PRDM16: variants seen among roughly 807,000 people sequenced by gnomAD.
PRDM16 encodes the protein histone-lysine N-methyltransferase PRDM16.
Under a neutral mutation model 110.6 loss-of-function variants are expected in PRDM16, and 23 were observed. That is an observed-to-expected ratio of 0.21 (90% CI 0.15 to 0.29). The LOEUF (loss-of-function observed/expected upper bound fraction) is 0.29. PRDM16 is among the 10% of genes least tolerant of loss of function. The pLI is 1.00. For synonymous variants in PRDM16, 799 were observed against 781.8 expected, an observed-to-expected ratio of 1.02 and a Z score of -0.37; for missense variants, 1,615 against 1,794.3, an observed-to-expected ratio of 0.90 and a Z score of 1.81.
In PRDM16 at chr1:3,402,805, C is replaced by A; in HGVS notation, c.691C>A (p.Arg231Ser). 2 of 1,611,872 alleles carry A rather than the reference C, an allele frequency of 1.2e-6. No homozygotes were observed. The highest frequency in any genetic ancestry group is 1.7e-6 in the Non-Finnish European group (2 of 1,178,966). The change falls in exon 6 of 17, where the codon CGC becomes AGC. Residue 231 changes from arginine (R) to serine (S), a missense_variant. Arg to Ser is a moderately radical substitution (Grantham distance 110). Transcript: ENST00000270722. ...CTCTCTTGCAGAGGAGCCCACGTTC[C>A]GCTGTGACGAGTGTGACGAACTCTT... ...PPGLDEEPTF[R>S]CDECDELFQS...
chr1:3,377,821 C>T (rs967496439), intron 3 of PRDM16, among the ~76,000 whole-genome samples: 13 of 152,196 alleles, frequency 8.5e-5, no homozygotes, highest in African/African-American at 1.2e-4. Flanking sequence ...TCATTGATCA[C>T]GCGCAAACAG....
chr1:3,410,057 T>G (rs1409889809), intron 8 of PRDM16, among the ~76,000 whole-genome samples: 1 of 142,806 alleles, frequency 7.0e-6, no homozygotes, highest in Non-Finnish European at 1.5e-5. Context: ...ACGAATGTGG[T>G]GTGTGGTTGT....
chr1:3,174,577 G>A (rs1049150464), intron 1 of PRDM16, among the ~76,000 whole-genome samples: 1 of 152,264 alleles, frequency 6.6e-6, no homozygotes, highest in Admixed American at 6.5e-5. Context: ...ACTGTGGACT[G>A]TCCCTGCCTC....
At chr1:3,336,559 C>T (rs1400669596) in intron 3 of PRDM16, among the ~76,000 whole-genome samples, 1 of 150,854 alleles carries the variant, frequency 6.6e-6, no homozygotes. Context: ...CATGCATGCA[C>T]ATGTGTGTTG....
chr1:3,365,556 G>A (rs1642794452), intron 3 of PRDM16, among the ~76,000 whole-genome samples: 1 of 152,210 alleles, frequency 6.6e-6, no homozygotes, highest in African/African-American at 2.4e-5. Flanking sequence ...GATCCATGGG[G>A]TTGGTGGTGC....
At chr1:3,331,264 G>A (rs1214650497) in intron 3 of PRDM16, among the ~76,000 whole-genome samples, 2 of 152,046 alleles carry the variant, frequency 1.3e-5, no homozygotes, top group Non-Finnish European at 2.9e-5. Flanking sequence ...AGCCTGGGGG[G>A]GGCGCATACT....
intron 1 of PRDM16, among the ~76,000 whole-genome samples, chr1:3,074,495 T>C (rs1169789884): frequency 1.3e-5 from 2 of 152,080 alleles, no homozygotes; most frequent in African/African-American, 2.4e-5. Context: ...TTGTAGCAGG[T>C]CTGTTCTTAA....
intron 1 of PRDM16, among the ~76,000 whole-genome samples, chr1:3,146,562 C>A (rs1256986320): frequency 7.7e-5 from 7 of 91,048 alleles, no homozygotes. Context: ...GGGGTGTGTA[C>A]ACATGTGTGC....
intron 1 of PRDM16, among the ~76,000 whole-genome samples, chr1:3,102,604 T>C (rs1031070933): frequency 6.6e-6 from 1 of 152,228 alleles, no homozygotes; most frequent in Non-Finnish European, 1.5e-5. Flanking sequence ...TTCTGCACTG[T>C]GCATGGAGTT....
intron 1 of PRDM16, among the ~76,000 whole-genome samples, chr1:3,129,087 T>C (rs1643275742): frequency 6.6e-6 from 1 of 152,012 alleles, no homozygotes; most frequent in Non-Finnish European, 1.5e-5. Context: ...TGTGTGTGCG[T>C]TTCCTGGCTG....
At chr1:3,276,670 A>AGGTGCTGTGAACAGAGCCAGCGAGG (rs1640589913) in intron 3 of PRDM16, among the ~76,000 whole-genome samples, 2 of 143,862 alleles carry the variant, frequency 1.4e-5, no homozygotes, top group Middle Eastern at 3.2e-3. Flanking sequence ...AGCCAGCTCG[A>AGGTGCTGTGAACAGAGCCAGCGAGG]GGTGCCGTGA....
intron 1 of PRDM16, among the ~76,000 whole-genome samples, chr1:3,118,320 C>T (rs1000101491): frequency 2.6e-5 from 4 of 152,218 alleles, no homozygotes; most frequent in African/African-American, 9.6e-5. Flanking sequence ...AAGGAAACAG[C>T]ATGGAGCCCT....
chr1:3,314,926 G>A (rs1641563944), intron 3 of PRDM16, among the ~76,000 whole-genome samples: 1 of 152,148 alleles, frequency 6.6e-6, no homozygotes. Flanking sequence ...TTATGATAAA[G>A]TGATGGTAAC....
intron 3 of PRDM16, among the ~76,000 whole-genome samples, chr1:3,288,565 C>G (rs1434047027): frequency 6.6e-6 from 1 of 152,172 alleles, no homozygotes; most frequent in African/African-American, 2.4e-5. Context: ...AGCCCAGCTC[C>G]AGCCCAAGCG....
At chr1:3,326,946 C>T (rs756414002) in intron 3 of PRDM16, among the ~76,000 whole-genome samples, 3 of 152,218 alleles carry the variant, frequency 2.0e-5, no homozygotes, top group Non-Finnish European at 2.9e-5. Context: ...TTTCAGGCCC[C>T]GCCTGGCTGT....
In PRDM16 at chr1:3,260,318, C is replaced by T. The variant is rs376098267; in HGVS notation, c.438+16181C>T. Reference sequence around the variant, plus strand: ...TGCTAAGCCTCTTCTGAGCTGCTTCCGAGCCCCCATGAGGGTCTGTCCACA... The same window carrying T: ...TGCTAAGCCTCTTCTGAGCTGCTTCTGAGCCCCCATGAGGGTCTGTCCACA... On this transcript the variant is annotated intron_variant, in intron 3 of 16. Coordinates refer to ENST00000270722, the MANE Select transcript of PRDM16 (RefSeq NM_022114.4). Among the ~76,000 whole-genome samples the T allele has an allele frequency of 2.2e-4, 34 of 152,266 alleles. 1 individual carries two copies. The highest frequency in any genetic ancestry group is 8.3e-4 in the South Asian group (4 of 4,826).
At chr1:3,340,571 C>T (rs1417041167) in intron 3 of PRDM16, among the ~76,000 whole-genome samples, 1 of 152,210 alleles carries the variant, frequency 6.6e-6, no homozygotes, top group Non-Finnish European at 1.5e-5. Flanking sequence ...GGCTCCCTCC[C>T]CCACTCTGAG....
intron 1 of PRDM16, among the ~76,000 whole-genome samples, chr1:3,176,062 A>AT (rs1644082618): frequency 2.5e-4 from 6 of 23,760 alleles, no homozygotes; most frequent in Admixed American, 9.8e-4. Flanking sequence ...CATCCATCCA[A>AT]CCATCCATCC....
chr1:3,258,801 G>A (rs1184174057), intron 3 of PRDM16, among the ~76,000 whole-genome samples: 2 of 152,222 alleles, frequency 1.3e-5, no homozygotes, highest in Non-Finnish European at 2.9e-5. Flanking sequence ...GTGAGCGCGC[G>A]GCGGCTTCTG....
Sources: allele counts gnomAD v4.1 joint callset (sites outside exome capture counted in the v4.1 genomes callset), GRCh38; gene constraint gnomAD v4.1.1; transcripts MANE v1.5; gene names NCBI Gene and HGNC (gene_info 2026-07-23, HGNC 2026-07-21).